The following WBP2 variants were observed in gnomAD, a reference collection of about 807,000 sequenced individuals.
WBP2 encodes WW domain-binding protein 2.
Under a neutral mutation model 33.0 loss-of-function variants are expected in WBP2, and 23 were observed. The observed-to-expected ratio is 0.70, with a 90% CI of 0.50 to 0.99. The LOEUF is 0.99. Among genes scored for constraint, WBP2 ranks in the 50% least tolerant of loss-of-function variants. WBP2 has a pLI of 0.00. For synonymous variants in WBP2, 153 were observed against 133.5 expected, an observed-to-expected ratio of 1.15 and a Z score of -1.01; for missense variants, 353 against 358.0, an observed-to-expected ratio of 0.99 and a Z score of 0.11.
chr17:75,848,560 GCCTGGATA>G lies in WBP2; in HGVS notation c.397+2_397+9del. The G allele has an allele frequency of 6.2e-7, 1 of 1,612,898 alleles. No individual in the cohort carries two copies. Among genetic ancestry groups the G allele is most frequent in the African/African-American group, 1.3e-5 (1 of 74,972 alleles). On this transcript the variant is annotated splice_donor_variant and splice_donor_5th_base_variant and intron_variant, in intron 4 of 7. Transcript: ENST00000254806. LOFTEE classifies it high-confidence loss of function. ...GTGTCTTTAGCCCCTAATCTTCGGA[GCCTGGATA>G]CCTTGAGATGCCACCTGGAGCATCC... is the stretch of plus-strand genomic sequence containing the variant.
rs149478723 is a variant in WBP2, at chr17:75,850,860, A to G, written c.168+708T>C. On this transcript the variant is annotated intron_variant, in intron 2 of 7. Coordinates refer to ENST00000254806, the MANE Select transcript of WBP2 (RefSeq NM_012478.4). ...AGGCATGTGCCACCACACCCAGCTA[A>G]TTTTTGTATTTTTTGTAGAGATGGG... Among the ~76,000 whole-genome samples the G allele has an allele frequency of 7.5e-3, 1,146 of 151,834 alleles. 11 individuals are homozygous for G. The highest frequency in any genetic ancestry group is 0.022 in the African/African-American group (898 of 41,416).
At chr17:75,855,562 G>A (rs2065053798), upstream of WBP2, 1 of 528,308 alleles carries the variant, frequency 1.9e-6, no homozygotes, top group Non-Finnish European at 3.5e-6. Context: ...GAGGAAGGAT[G>A]CATTCTGGAA....
Position 75,848,575 on chromosome 17 carries a change from G to A in WBP2, c.392C>T (p.Ser131Phe), listed in dbSNP as rs1001631501. ...EFGQRMLQVA[S>F]QASRGEVPSG... ...AATCTTCGGAGCCTGGATACCTTGA[G>A]ATGCCACCTGGAGCATCCGCTGTCC... Residue 131 changes from serine (S) to phenylalanine (F), a missense_variant, in exon 4 of 8, where the codon TCT (serine) becomes TTT (phenylalanine). Physicochemically the swap from Ser to Phe is radical, Grantham distance 155. Coordinates refer to ENST00000254806, the MANE Select transcript of WBP2 (RefSeq NM_012478.4). The A allele has an allele frequency of 1.9e-6, 3 of 1,613,746 alleles. No individual in the cohort carries two copies. Among genetic ancestry groups the A allele is most frequent in the African/African-American group, 2.7e-5 (2 of 74,908 alleles).
chr17:75,855,096 A>AC, intron 1 of WBP2, 143 bp downstream of exon 1: 2 of 421,308 alleles, frequency 4.7e-6, no homozygotes, highest in South Asian at 6.8e-5. Flanking sequence ...CCTTCCTCCA[A>AC]CCCCGCCCCC....
chr17:75,855,559 G>T (rs1032577711), upstream of WBP2: 8 of 532,448 alleles, frequency 1.5e-5, no homozygotes, highest in Non-Finnish European at 2.4e-5. Context: ...CTGGAGGAAG[G>T]ATGCATTCTG....
intron 1 of WBP2, 55 bp downstream of exon 1, chr17:75,855,184 C>CCCAA: frequency 9.9e-6 from 15 of 1,514,088 alleles, no homozygotes; most frequent in Non-Finnish European, 1.3e-5. Context: ...ACCCACCGCC[C>CCCAA]ACTTCCTCGA....
chr17:75,848,105 G>A, intron 4 of WBP2, 175 bp from the exon 5 acceptor site: 1 of 864,344 alleles, frequency 1.2e-6, no homozygotes, highest in South Asian at 1.6e-5. Flanking sequence ...GGTCAGGGAT[G>A]AGAGAGGACG....
In WBP2 at chr17:75,847,849, G is replaced by C; in HGVS notation, c.479C>G (p.Ala160Gly). 1 of 1,557,654 alleles carries C rather than the reference G, an allele frequency of 6.4e-7. No individual in the cohort carries two copies. The highest frequency in any genetic ancestry group is 8.7e-7 in the Non-Finnish European group (1 of 1,150,374). ...SGAYVYPPPV[A>G]NGMYPCPPGY... ...AGGAGGGCAGGGGTACATTCCATTG[G>C]CGACTGGCGGGGGATAGACATAGGC... is the stretch of plus-strand genomic sequence containing the variant. Residue 160 changes from alanine to glycine, a missense_variant, in exon 5 of 8, where the codon GCC becomes GGC. Ala to Gly is a moderately conservative substitution (Grantham distance 60). Transcript: ENST00000254806.
chr17:75,854,458 G>T (rs1845708982), intron 1 of WBP2, among the ~76,000 whole-genome samples: 1 of 152,188 alleles, frequency 6.6e-6, no homozygotes, highest in African/African-American at 2.4e-5. Flanking sequence ...TGAGCAAGGG[G>T]TGGGGAGGAT....
intron 6 of WBP2, 62 bp from the exon 7 acceptor site, chr17:75,847,046 A>G (rs1254654375): frequency 6.3e-7 from 1 of 1,596,330 alleles, no homozygotes; most frequent in Non-Finnish European, 8.6e-7. Flanking sequence ...CTCAGCTAAG[A>G]GACCCCGGGC....
intron 1 of WBP2, among the ~76,000 whole-genome samples, chr17:75,853,906 G>A (rs537597817): frequency 5.3e-4 from 80 of 151,900 alleles, no homozygotes; most frequent in African/African-American, 1.9e-3. Flanking sequence ...TTAGCTGGGT[G>A]TAGTGGCGGG....
intron 2 of WBP2, chr17:75,851,299 G>A (rs934162903): frequency 6.1e-6 from 2 of 326,390 alleles, no homozygotes; most frequent in Non-Finnish European, 1.2e-5. Context: ...TCATGCCAGC[G>A]GCTGCATCCA....
Position 75,846,053 on chromosome 17 carries a change from T to G in WBP2, c.*681A>C, listed in dbSNP as rs1356479899. On this transcript the variant is annotated 3_prime_UTR_variant, in exon 8 of 8. Coordinates refer to ENST00000254806, the MANE Select transcript of WBP2 (RefSeq NM_012478.4). The surrounding 1 kb of genome is among the most constrained non-coding windows in gnomAD (Gnocchi z 4.8). ...GCTCCTTCTAGAAGGAAGTGAGAGG[T>G]GAGGGAAAGCAAATTCCAGAAACAC... 6.6e-6 allele frequency: 1 copy of G among 152,240 alleles called. No individual in the cohort carries two copies. The highest frequency in any genetic ancestry group is 2.4e-5 in the African/African-American group (1 of 41,310). 9.4% of individuals were successfully genotyped at this position (152,240 alleles called of 1,614,324 possible).
intron 2 of WBP2, among the ~76,000 whole-genome samples, chr17:75,850,587 G>A (rs1219339702): frequency 1.3e-5 from 2 of 152,064 alleles, no homozygotes; most frequent in Admixed American, 1.3e-4. Flanking sequence ...TGTGACTGAA[G>A]GTGCCAAGTT....
intron 4 of WBP2, chr17:75,848,219 G>A (rs904580084): frequency 1.7e-5 from 10 of 588,282 alleles, no homozygotes; most frequent in East Asian, 8.5e-5. Flanking sequence ...GTGAGCTGGC[G>A]GAGGATGTCT....
At chr17:75,853,314 G>A (rs1450255464) in intron 1 of WBP2, among the ~76,000 whole-genome samples, 1 of 152,178 alleles carries the variant, frequency 6.6e-6, no homozygotes, top group Non-Finnish European at 1.5e-5. Context: ...CCAAAGTGCT[G>A]GGATTACAGG....
rs764529940 is a variant in WBP2 at position 75,851,673 on chromosome 17, G to A, written c.63C>T (p.Ile21=). 2 of 1,611,228 alleles carry A rather than the reference G, an allele frequency of 1.2e-6. No homozygotes were observed. Among genetic ancestry groups the A allele is most frequent in the Non-Finnish European group, 8.5e-7 (1 of 1,177,640 alleles). ...GTTCCACGTGATCATAGGACATTAG[G>A]ATGCTGTGATGAGAAAAGAGGAAAA... ...GGVIVNNTES[I]LMSYDHVELT... Residue 21 remains isoleucine, a synonymous_variant, in exon 2 of 8, where the codon ATC becomes ATT. Coordinates refer to ENST00000254806, the MANE Select transcript of WBP2 (RefSeq NM_012478.4).
In WBP2 at chr17:75,847,359, T is replaced by C. The variant is rs1334570458; in HGVS notation, c.655+128A>G. On this transcript the variant is annotated intron_variant, in intron 6 of 7. Transcript: ENST00000254806. The stretch of plus-strand genomic sequence containing the variant: ...CCAGGCCACAGCCCTGCTGGGCCCC[T>C]GGGGTAGTCCAGGGGTCATCCATCA... The C allele has an allele frequency of 5.6e-6, 8 of 1,437,196 alleles. No homozygotes were observed. In the East Asian group the frequency reaches 2.0e-4, roughly 36 times the overall value. The allele number at this position is 1,437,196 out of a possible 1,614,324, so 89.0% of individuals were successfully genotyped here.
intron 1 of WBP2, chr17:75,852,907 G>C (rs2065036277): frequency 1.8e-6 from 1 of 563,444 alleles, no homozygotes; most frequent in African/African-American, 2.0e-5. Flanking sequence ...TTCTTAAGCG[G>C]GGTTTGCAGG....
Sources: gnomAD v4.1 joint callset for allele counts (sites outside exome capture counted in the v4.1 genomes callset) on GRCh38, gnomAD v4.1.1 for gene constraint, Gnocchi (gnomAD v3.1) non-coding constraint, MANE v1.5 for transcripts, NCBI Gene and HGNC (gene_info 2026-07-23, HGNC 2026-07-21) for gene names.